Variants in C14orf39 observed in about 807,000 individuals in gnomAD.
The protein encoded by C14orf39 is protein SIX6OS1.
Under a neutral mutation model 85.6 loss-of-function variants are expected in C14orf39, and 66 were observed. The ratio of observed to expected loss-of-function variants is 0.77; its 90% confidence interval spans 0.63 to 0.95. C14orf39 has a LOEUF of 0.95. Among genes scored for constraint, C14orf39 ranks in the 40% least tolerant of loss-of-function variants. C14orf39 has a pLI of 0.00. For synonymous variants in C14orf39, 242 were observed against 214.0 expected (o/e 1.13, Z -1.14); for missense variants, 735 against 663.9 (o/e 1.11, Z -1.18).
intron 16 of C14orf39, among the ~76,000 whole-genome samples, chr14:60,448,724 A>C (rs762396996): frequency 6.6e-6 from 1 of 152,242 alleles, no homozygotes; most frequent in Non-Finnish European, 1.5e-5. Flanking sequence ...ATAAAGACAC[A>C]TGCACACGTA....
intron 4 of C14orf39, among the ~76,000 whole-genome samples, chr14:60,481,476 G>A (rs1892635593): frequency 6.6e-6 from 1 of 152,096 alleles, no homozygotes; most frequent in East Asian, 1.9e-4. Context: ...GAGCAACATA[G>A]TGAGACTCCA....
intron 11 of C14orf39, 68 bp downstream of exon 11, chr14:60,465,911 A>C: frequency 1.6e-5 from 12 of 729,026 alleles, no homozygotes; most frequent in South Asian, 2.2e-5. Context: ...TCTTAAGGGC[A>C]GTACATTCAT....
rs1194164245 is a variant in C14orf39 at position 60,478,305 on chromosome 14, T to C, written c.318A>G (p.Lys106=). 6.5e-7 allele frequency: 1 copy of C among 1,533,218 alleles called. No homozygotes were observed. Among genetic ancestry groups the C allele is most frequent in the Non-Finnish European group, 8.8e-7 (1 of 1,132,200 alleles). 95.0% of individuals were successfully genotyped at this position (1,533,218 alleles called of 1,614,324 possible). A position where few individuals can be genotyped will look rare whatever the true frequency, so the allele number is the denominator to read the frequency against. The change falls in exon 5 of 18, where the codon AAA becomes AAG. Residue 106 remains lysine, a synonymous_variant. Transcript: ENST00000321731. ...QFTVYQGTVE[K]DKEMYHDYIC... ...ACTTCATATAAGTACTATACTTGTC[T>C]TTTTCAACAGTTCCTTGATAAACAG...
chr14:60,485,150 T>C (rs1404753878), intron 1 of C14orf39, 64 bp from the exon 2 acceptor site: 8 of 1,360,216 alleles, frequency 5.9e-6, no homozygotes, highest in African/African-American at 1.5e-5. Flanking sequence ...AGGATATATT[T>C]CGTAACGACC....
Position 60,484,819 on chromosome 14 carries a change from GTATGT to G in C14orf39, c.106+57_106+61del. On this transcript the variant is annotated intron_variant, in intron 3 of 17. Coordinates refer to ENST00000321731, the MANE Select transcript of C14orf39 (RefSeq NM_174978.3). This position sits in a 1 kb window ranked among gnomAD's most constrained non-coding sequence, Gnocchi z 4.2. The stretch of plus-strand genomic sequence containing the variant: ...ATAAGTTGCCCTAAACAGAGCAATT[GTATGT>G]TATATGCCATAAGGAATTAAAAGAC... 2 of 1,199,646 alleles carry G rather than the reference GTATGT, an allele frequency of 1.7e-6. No homozygotes were observed. Among genetic ancestry groups the G allele is most frequent in the South Asian group, 2.7e-5 (2 of 75,256 alleles). 74.3% of individuals were successfully genotyped at this position (1,199,646 alleles called of 1,614,324 possible).
At chr14:60,511,154 G>A (rs763383468) in intron 1 of C14orf39, 3 of 1,612,910 alleles carry the variant, frequency 1.9e-6, no homozygotes, top group Non-Finnish European at 2.5e-6. Context: ...CACGCCAGAG[G>A]TGCTGGGCGT....
chr14:60,491,380 C>T lies in C14orf39; in HGVS notation c.-8-6294G>A, dbSNP rs2140174887. On this transcript the variant is annotated intron_variant, in intron 2 of 5. Transcript: ENST00000556799. The surrounding 1 kb of genome is among the most constrained non-coding windows in gnomAD (Gnocchi z 4.5). ...CTTTTATAGGCACTAATACTAAGCC[C>T]TCATCACGCCTCTTAATACTATTAC... Among the ~76,000 whole-genome samples, 1 of 152,266 alleles carries T rather than the reference C, an allele frequency of 6.6e-6. No individual in the cohort carries two copies. The highest frequency in any genetic ancestry group is 1.9e-4 in the East Asian group (1 of 5,178).
chr14:60,463,875 C>A (rs1891653118), intron 11 of C14orf39, among the ~76,000 whole-genome samples: 1 of 152,062 alleles, frequency 6.6e-6, no homozygotes, highest in Non-Finnish European at 1.5e-5. Context: ...TATTCAGATT[C>A]CCTAAATCCT....
chr14:60,458,881 ACAGAT>A (rs1012239869), intron 13 of C14orf39, 142 bp from the exon 14 acceptor site: 15 of 569,434 alleles, frequency 2.6e-5, no homozygotes, highest in African/African-American at 5.8e-5. Flanking sequence ...CATAATACAT[ACAGAT>A]AAGAGAATAA....
intron 1 of C14orf39, among the ~76,000 whole-genome samples, chr14:60,514,522 G>A (rs956806016): frequency 6.6e-6 from 1 of 152,010 alleles, no homozygotes; most frequent in Admixed American, 6.5e-5. Flanking sequence ...CTCCCCAAAT[G>A]CCGCAGTTCC....
At chr14:60,451,124 C>T (rs931483757) in intron 16 of C14orf39, among the ~76,000 whole-genome samples, 1 of 152,046 alleles carries the variant, frequency 6.6e-6, no homozygotes, top group African/African-American at 2.4e-5. Flanking sequence ...GAAAAATCAC[C>T]AGGGACCAGT....
chr14:60,511,232 G>C, intron 1 of C14orf39: 1 of 1,613,406 alleles, frequency 6.2e-7, no homozygotes, highest in East Asian at 2.2e-5. Context: ...CACGTCCAGC[G>C]ACAGCGAGTG....
At chr14:60,478,160 C>T (rs1489365244) in intron 5 of C14orf39, 140 bp downstream of exon 5, 1 of 223,782 alleles carries the variant, frequency 4.5e-6, no homozygotes, top group Non-Finnish European at 8.2e-6. Context: ...GCCTGGGGGA[C>T]AGAGCGAGAC....
chr14:60,464,553 T>A (rs1374908100), intron 11 of C14orf39, among the ~76,000 whole-genome samples: 2 of 152,128 alleles, frequency 1.3e-5, no homozygotes, highest in Non-Finnish European at 2.9e-5. Context: ...AATAATTTAG[T>A]GTATTGTGGT....
At chr14:60,495,414 C>T in intron 2 of C14orf39, 1 of 174,188 alleles carries the variant, frequency 5.7e-6, no homozygotes, top group South Asian at 1.4e-4. Flanking sequence ...CATCAAGCAA[C>T]AGGTCACTGA....
At chr14:60,511,657 G>A in intron 1 of C14orf39, 1 of 330,676 alleles carries the variant, frequency 3.0e-6, no homozygotes, top group South Asian at 2.8e-5. Context: ...ACATATATAT[G>A]CTGTTTATTT....
chr14:60,441,815 T>C (rs1254748703), intron 17 of C14orf39, among the ~76,000 whole-genome samples: 2 of 152,262 alleles, frequency 1.3e-5, no homozygotes, highest in East Asian at 3.9e-4. Context: ...GCAAAGAGTC[T>C]TAATATGATA....
At position 60,511,611 on chromosome 14, in the gene C14orf39, T is replaced by C. The variant is rs1013514980; in HGVS notation, c.-144+3784A>G. The C allele has an allele frequency of 8.4e-5, 36 of 428,926 alleles. 1 individual carries two copies. Among genetic ancestry groups the C allele is most frequent in the South Asian group, 3.9e-4 (17 of 43,714 alleles). The allele number at this position is 428,926 out of a possible 1,614,324, so 26.6% of individuals were successfully genotyped here. On this transcript the variant is annotated intron_variant, in intron 1 of 5. Coordinates refer to the C14orf39 transcript ENST00000556799. Reference sequence around the variant, plus strand: ...CACGTCGAAAGGACGCTGTTACATATGTATAACTTTCGCTTTAAAGTTTTT... The same window carrying C: ...CACGTCGAAAGGACGCTGTTACATACGTATAACTTTCGCTTTAAAGTTTTT...
chr14:60,445,289 A>G (rs144453798), intron 16 of C14orf39, among the ~76,000 whole-genome samples: 2,198 of 152,342 alleles, frequency 0.014, 46 homozygotes, highest in African/African-American at 0.051. Context: ...TAAAGAGTCA[A>G]GACCCATCAC....
Sources: allele counts gnomAD v4.1 joint callset (sites outside exome capture counted in the v4.1 genomes callset), GRCh38; gene constraint gnomAD v4.1.1; non-coding constraint Gnocchi (gnomAD v3.1); transcripts MANE v1.5; gene names NCBI Gene and HGNC (gene_info 2026-07-23, HGNC 2026-07-21).